FBXO7: variants seen among roughly 807,000 people sequenced by gnomAD.
FBXO7 encodes F-box protein 7.
FBXO7 carries 31 observed loss-of-function variants against 50.2 expected under a neutral mutation model. That is an observed-to-expected ratio of 0.62 (90% CI 0.46 to 0.83). The LOEUF (loss-of-function observed/expected upper bound fraction) is 0.83. Among genes scored for constraint, FBXO7 ranks in the 40% least tolerant of loss-of-function variants. FBXO7 has a pLI of 0.00. For missense variants in FBXO7, 667 were observed against 646.6 expected, an observed-to-expected ratio of 1.03 and a Z score of -0.34; for synonymous variants, 256 against 253.1, an observed-to-expected ratio of 1.01 and a Z score of -0.11.
chr22:32,474,920 G>C lies in FBXO7; in HGVS notation c.-83G>C, dbSNP rs1412316756. On this transcript the variant is annotated 5_prime_UTR_variant, in exon 1 of 9. Transcript: ENST00000266087. ...TAGTCGCCAGTCCGGGGTCGTCGCC[G>C]TTTGGGGCGGGAGCTGCTCGGCCCC... 9 of 1,382,072 alleles carry C rather than the reference G, an allele frequency of 6.5e-6. No homozygotes were observed. In the African/African-American group the frequency reaches 1.2e-4, roughly 19 times the overall value. The allele number at this position is 1,382,072 out of a possible 1,614,324, so 85.6% of individuals were successfully genotyped here.
intron 2 of FBXO7, among the ~76,000 whole-genome samples, chr22:32,479,687 G>A (rs1419031232): frequency 1.3e-5 from 2 of 152,076 alleles, no homozygotes; most frequent in Non-Finnish European, 2.9e-5. Flanking sequence ...GAGCCACTGC[G>A]CCTGGCTGCA....
intron 7 of FBXO7, among the ~76,000 whole-genome samples, chr22:32,495,264 T>TA (rs752694620): frequency 3.3e-5 from 5 of 152,192 alleles, no homozygotes; most frequent in Non-Finnish European, 7.3e-5. Context: ...TGCATTGAAT[T>TA]ACCATGTAGC....
chr22:32,476,423 TGAAAG>T (rs945147622), intron 1 of FBXO7, among the ~76,000 whole-genome samples: 15 of 152,202 alleles, frequency 9.9e-5, no homozygotes, highest in African/African-American at 3.4e-4. Flanking sequence ...TAGGCAGTCT[TGAAAG>T]GACGTGAAAC....
intron 8 of FBXO7, 107 bp downstream of exon 8, chr22:32,495,637 TTTAA>T (rs1360896292): frequency 2.0e-6 from 1 of 489,334 alleles, no homozygotes; most frequent in Non-Finnish European, 3.5e-6. Context: ...TGAAATCTGT[TTTAA>T]TTTATTGCTA....
At chr22:32,488,470 G>A (rs2057513386) in intron 5 of FBXO7, 1 of 152,464 alleles carries the variant, frequency 6.6e-6, no homozygotes, top group Non-Finnish European at 1.5e-5. Flanking sequence ...AAGGTGGAGA[G>A]GGGAACTGAC....
chr22:32,493,984 A>G (rs2057555513), intron 7 of FBXO7, among the ~76,000 whole-genome samples: 1 of 151,782 alleles, frequency 6.6e-6, no homozygotes, highest in South Asian at 2.1e-4. Context: ...AGGTAGGTGT[A>G]TACTGTGTTG....
intron 2 of FBXO7, among the ~76,000 whole-genome samples, chr22:32,482,646 A>G (rs1055946278): frequency 2.6e-5 from 4 of 151,642 alleles, no homozygotes; most frequent in Non-Finnish European, 4.4e-5. Context: ...TAGGATCTAT[A>G]AAAAGGCGAT....
intron 6 of FBXO7, 196 bp from the exon 7 acceptor site, chr22:32,492,909 T>C (rs1388740822): frequency 3.2e-6 from 2 of 634,106 alleles, no homozygotes; most frequent in Non-Finnish European, 5.6e-6. Context: ...CCTAGAGTTA[T>C]ATGAGTTAAT....
chr22:32,475,490 T>C, intron 1 of FBXO7: 1 of 1,524,406 alleles, frequency 6.6e-7, no homozygotes, highest in Non-Finnish European at 9.0e-7. Flanking sequence ...AAGTTGGAAA[T>C]GATGAGCTTG....
chr22:32,492,962 A>T (rs1459469852), intron 6 of FBXO7, 143 bp from the exon 7 acceptor site: 1 of 794,904 alleles, frequency 1.3e-6, no homozygotes, highest in Non-Finnish European at 2.2e-6. Flanking sequence ...GTTGTAGATG[A>T]TGCATACTTG....
intron 4 of FBXO7, 152 bp from the exon 5 acceptor site, chr22:32,487,593 C>A: frequency 3.3e-6 from 2 of 612,464 alleles, no homozygotes; most frequent in African/African-American, 1.9e-5. Context: ...TTTGAACTTG[C>A]TATCAGAGAA....
At chr22:32,484,704 A>T (rs1415665924) in intron 3 of FBXO7, among the ~76,000 whole-genome samples, 1 of 152,244 alleles carries the variant, frequency 6.6e-6, no homozygotes, top group African/African-American at 2.4e-5. Flanking sequence ...GAAATGGCAA[A>T]CAATTTTTCT....
intron 1 of FBXO7, among the ~76,000 whole-genome samples, chr22:32,476,575 T>C (rs2057430441): frequency 6.6e-6 from 1 of 152,220 alleles, no homozygotes; most frequent in African/African-American, 2.4e-5. Context: ...ACTCATTTTC[T>C]AATAAAGGTG....
At chr22:32,493,413 C>CT in intron 7 of FBXO7, 132 bp downstream of exon 7, 1 of 768,814 alleles carries the variant, frequency 1.3e-6, no homozygotes, top group Non-Finnish European at 2.3e-6. Flanking sequence ...GAGACTGACT[C>CT]TAAGCTTCAT....
intron 4 of FBXO7, among the ~76,000 whole-genome samples, chr22:32,486,540 T>C (rs2057499971): frequency 6.6e-6 from 1 of 152,130 alleles, no homozygotes; most frequent in South Asian, 2.1e-4. Context: ...GTCACTGTGT[T>C]GCCCAGGCTG....
At chr22:32,488,701 GC>G (rs146514173) in intron 5 of FBXO7, 1 of 152,354 alleles carries the variant, frequency 6.6e-6, no homozygotes, top group African/African-American at 2.4e-5. Flanking sequence ...GGGGAGATCA[GC>G]CCTGAGAGAT....
intron 4 of FBXO7, 29 bp downstream of exon 4, chr22:32,485,238 G>A (rs199751505): frequency 6.2e-7 from 1 of 1,613,794 alleles, no homozygotes; most frequent in East Asian, 2.2e-5. Flanking sequence ...CATGGTTGCT[G>A]GTTTATGGAT....
rs2057533044 is a variant in FBXO7 at position 32,491,188 on chromosome 22, G to C, written c.967+7G>C. 1.9e-6 allele frequency: 3 copies of C among 1,545,570 alleles called. No homozygotes were observed. The highest frequency in any genetic ancestry group is 2.7e-6 in the Non-Finnish European group (3 of 1,118,288). On this transcript the variant is annotated splice_region_variant and intron_variant, in intron 6 of 8. Transcript: ENST00000266087. ...CTGGCTTTTACCCGACAAGGTAAGA[G>C]ATGAAATACTGTCACAATTTAAATG...
intron 4 of FBXO7, 61 bp from the exon 5 acceptor site, chr22:32,487,684 A>T: frequency 9.1e-7 from 1 of 1,093,044 alleles, no homozygotes; most frequent in African/African-American, 1.5e-5. Flanking sequence ...CCATACTAAA[A>T]AAGAAAGGCA....
Sources: gnomAD v4.1 joint callset for allele counts (sites outside exome capture counted in the v4.1 genomes callset) on GRCh38, gnomAD v4.1.1 for gene constraint, MANE v1.5 for transcripts, NCBI Gene and HGNC (gene_info 2026-07-23, HGNC 2026-07-21) for gene names.